Variants in MACROD1 observed in about 807,000 individuals in gnomAD.
MACROD1 encodes the protein mono-ADP ribosylhydrolase 1.
MACROD1 carries 31 observed loss-of-function variants against 41.4 expected under a neutral mutation model. The ratio of observed to expected loss-of-function variants is 0.75; its 90% CI spans 0.56 to 1.01. The LOEUF (loss-of-function observed/expected upper bound fraction) is 1.01. Ranked by LOEUF, MACROD1 falls within the 50% of genes least tolerant of loss-of-function variation. MACROD1 has a pLI of 0.00. For missense variants in MACROD1, 473 were observed against 460.0 expected, an observed-to-expected ratio of 1.03 and a Z score of -0.26; for synonymous variants, 252 against 203.4, an observed-to-expected ratio of 1.24 and a Z score of -2.03.
intron 3 of MACROD1, among the ~76,000 whole-genome samples, chr11:64,015,743 C>A (rs1943072457): frequency 6.6e-6 from 1 of 152,158 alleles, no homozygotes; most frequent in Non-Finnish European, 1.5e-5. Flanking sequence ...GCAAACTGCA[C>A]CTTTGCAACC....
At chr11:64,020,413 C>G (rs1481059604) in intron 3 of MACROD1, among the ~76,000 whole-genome samples, 1 of 152,122 alleles carries the variant, frequency 6.6e-6, no homozygotes, top group Non-Finnish European at 1.5e-5. Flanking sequence ...GTAGGGAACC[C>G]TGGGGGACTT....
chr11:64,049,136 A>C (rs1165913606), intron 3 of MACROD1, among the ~76,000 whole-genome samples: 1 of 151,912 alleles, frequency 6.6e-6, no homozygotes, highest in Non-Finnish European at 1.5e-5. Context: ...AGTGGAGGAA[A>C]AGTGACAGAG....
At chr11:64,019,417 C>T (rs1590805487) in intron 3 of MACROD1, among the ~76,000 whole-genome samples, 1 of 152,204 alleles carries the variant, frequency 6.6e-6, no homozygotes, top group East Asian at 1.9e-4. Flanking sequence ...TCCCGGCCCT[C>T]CTCTGCCCCA....
chr11:64,066,294 C>CAAAA (rs59963244), intron 3 of MACROD1, among the ~76,000 whole-genome samples: 5 of 50,936 alleles, frequency 9.8e-5, no homozygotes, highest in Non-Finnish European at 1.3e-4. Context: ...GAGACTGTCT[C>CAAAA]AAAAAAAAAA....
At chr11:64,001,261 C>G in intron 4 of MACROD1, 2 of 611,314 alleles carry the variant, frequency 3.3e-6, no homozygotes, top group Non-Finnish European at 5.8e-6. Flanking sequence ...GCCCCTTCCC[C>G]TCTCTGGCGT....
chr11:64,035,803 G>A (rs1342745415), intron 3 of MACROD1, among the ~76,000 whole-genome samples: 3 of 118,318 alleles, frequency 2.5e-5, no homozygotes, highest in South Asian at 2.8e-4. Flanking sequence ...GGGGAGAGGC[G>A]GCCGCACAGC....
chr11:64,000,031 C>T (rs771610429), intron 5 of MACROD1, 196 bp downstream of exon 5: 1 of 631,606 alleles, frequency 1.6e-6, no homozygotes, highest in Non-Finnish European at 2.7e-6. Flanking sequence ...CCAGCTCCAT[C>T]CTCAGCCTCC....
chr11:64,099,499 T>C (rs1295778709), intron 3 of MACROD1, among the ~76,000 whole-genome samples: 1 of 152,048 alleles, frequency 6.6e-6, no homozygotes, highest in Admixed American at 6.6e-5. Flanking sequence ...GATGGATGAA[T>C]GGACAGACGG....
chr11:64,054,173 C>A (rs1282051380), intron 3 of MACROD1, among the ~76,000 whole-genome samples: 1 of 152,142 alleles, frequency 6.6e-6, no homozygotes, highest in African/African-American at 2.4e-5. Context: ...GGCAGGGAAG[C>A]GGAAAGGAGG....
At chr11:64,095,103 G>A (rs985027637) in intron 3 of MACROD1, among the ~76,000 whole-genome samples, 6 of 152,246 alleles carry the variant, frequency 3.9e-5, no homozygotes, top group Admixed American at 2.0e-4. Context: ...AGGCACTAAG[G>A]AAACCTCAGA....
At chr11:64,079,121 T>C (rs1590877417) in intron 3 of MACROD1, among the ~76,000 whole-genome samples, 1 of 135,104 alleles carries the variant, frequency 7.4e-6, no homozygotes, top group Admixed American at 7.4e-5. Context: ...TGGGGGGCGG[T>C]GGACGGGAGG....
chr11:64,008,594 C>G (rs140596242), intron 4 of MACROD1, among the ~76,000 whole-genome samples: 135 of 152,216 alleles, frequency 8.9e-4, no homozygotes, highest in Non-Finnish European at 1.6e-3. Flanking sequence ...AGGCCCGGTG[C>G]TAGGGGAAGA....
chr11:64,074,507 T>C (rs1257466566), intron 3 of MACROD1, among the ~76,000 whole-genome samples: 2 of 152,050 alleles, frequency 1.3e-5, no homozygotes, highest in Admixed American at 6.5e-5. Flanking sequence ...CTCAGAGAGG[T>C]TCAGTTTCTG....
intron 3 of MACROD1, chr11:64,117,448 C>T (rs771753784): frequency 1.2e-6 from 2 of 1,613,068 alleles, no homozygotes; most frequent in Non-Finnish European, 1.7e-6. Flanking sequence ...GCTGCCAAGA[C>T]CACGGCCAGC....
intron 3 of MACROD1, among the ~76,000 whole-genome samples, chr11:64,110,846 C>T (rs1436644813): frequency 1.3e-5 from 2 of 152,166 alleles, no homozygotes; most frequent in African/African-American, 4.8e-5. Context: ...GGCAAGCAGG[C>T]ACCCAGGCAA....
intron 3 of MACROD1, among the ~76,000 whole-genome samples, chr11:64,022,773 C>T (rs1943174825): frequency 6.6e-6 from 1 of 151,904 alleles, no homozygotes; most frequent in Admixed American, 6.6e-5. Flanking sequence ...TGGACATTTT[C>T]CAGGCTGGGG....
In MACROD1 at chr11:64,000,346, G is replaced by A; in HGVS notation, c.548-3C>T. Reference sequence around the variant, plus strand: ...GGCCCGATGAATGCAGCCGTCCACTGCGGGAAGGGCGGGCGCGACTGAGCT... The same window carrying A: ...GGCCCGATGAATGCAGCCGTCCACTACGGGAAGGGCGGGCGCGACTGAGCT... On this transcript the variant is annotated splice_polypyrimidine_tract_variant and splice_region_variant and intron_variant, in intron 4 of 10. Coordinates refer to ENST00000255681, the MANE Select transcript of MACROD1 (RefSeq NM_014067.4). 1 of 1,557,276 alleles carries A rather than the reference G, an allele frequency of 6.4e-7. No individual in the cohort carries two copies. The highest frequency in any genetic ancestry group is 8.7e-7 in the Non-Finnish European group (1 of 1,152,428).
At chr11:64,035,014 C>T (rs1435927727) in intron 3 of MACROD1, among the ~76,000 whole-genome samples, 1 of 152,228 alleles carries the variant, frequency 6.6e-6, no homozygotes, top group African/African-American at 2.4e-5. Flanking sequence ...GCATGAACAT[C>T]TTCCCAGTCT....
intron 1 of MACROD1, among the ~76,000 whole-genome samples, chr11:64,158,187 G>A (rs189388712): frequency 1.6e-4 from 25 of 152,262 alleles, no homozygotes; most frequent in African/African-American, 3.1e-4. Context: ...AGGCTGGAGC[G>A]TAGCAGCCCC....
Sources: allele counts gnomAD v4.1 joint callset (sites outside exome capture counted in the v4.1 genomes callset), GRCh38; gene constraint gnomAD v4.1.1; transcripts MANE v1.5; gene names NCBI Gene and HGNC (gene_info 2026-07-23, HGNC 2026-07-21).